The following SYNE1 variants were observed in gnomAD, a reference collection of about 807,000 sequenced individuals.
SYNE1 encodes the protein nesprin-1.
A neutral mutation model predicts 1,111.0 loss-of-function variants in SYNE1; 616 were observed. The observed-to-expected ratio is 0.55, with a 90% CI of 0.52 to 0.59. SYNE1 has a LOEUF of 0.59. SYNE1 is among the 20% of genes least tolerant of loss of function. SYNE1 has a pLI of 0.00. For missense variants in SYNE1, 10,006 were observed against 10,417.0 expected, an observed-to-expected ratio of 0.96 and a Z score of 1.72; for synonymous variants, 3,855 against 3,825.8, an observed-to-expected ratio of 1.01 and a Z score of -0.28.
At chr6:152,204,220 C>T (rs1462704118) in intron 126 of SYNE1, among the ~76,000 whole-genome samples, 3 of 151,806 alleles carry the variant, frequency 2.0e-5, no homozygotes, top group Admixed American at 6.6e-5. Context: ...CAAAAATTAG[C>T]CAGGCGTGGT....
chr6:152,630,836 G>A (rs542760157), intron 2 of SYNE1, among the ~76,000 whole-genome samples: 34 of 152,282 alleles, frequency 2.2e-4, no homozygotes, highest in Non-Finnish European at 4.1e-4. Flanking sequence ...AAATCACTCT[G>A]CCTCTATCCT....
chr6:152,319,269 A>G (rs1238004411), intron 84 of SYNE1, among the ~76,000 whole-genome samples: 2 of 152,184 alleles, frequency 1.3e-5, no homozygotes, highest in Non-Finnish European at 2.9e-5. Context: ...CTTATTAAAT[A>G]TTTACAGAAT....
chr6:152,570,727 TC>T (rs535326013), intron 3 of SYNE1, among the ~76,000 whole-genome samples: 32 of 152,272 alleles, frequency 2.1e-4, no homozygotes, highest in Admixed American at 3.9e-4. Flanking sequence ...AACAATGGTA[TC>T]CCCTTCCTTC....
chr6:152,362,592 C>G lies in SYNE1; in HGVS notation c.10146-269G>C, dbSNP rs149561014. ...TCAAGAGTCAGCGGCTGGGGGGACA[C>G]GAGACACTGGGGGAGCCTCAAAGGC... On this transcript the variant is annotated intron_variant, in intron 63 of 145. Coordinates refer to ENST00000367255, the MANE Select transcript of SYNE1 (RefSeq NM_182961.4). 1.3e-3 allele frequency among the ~76,000 whole-genome samples: 194 copies of G among 152,182 alleles called. 1 individual carries two copies. The highest frequency in any genetic ancestry group is 4.4e-3 in the African/African-American group (182 of 41,534).
In SYNE1 at chr6:152,455,494, C is replaced by T. The variant is rs2098689562; in HGVS notation, c.2824G>A (p.Val942Ile). The change falls in exon 24 of 146, where the codon GTA becomes ATA. Residue 942 changes from valine to isoleucine, a missense_variant. Coordinates refer to ENST00000367255, the MANE Select transcript of SYNE1 (RefSeq NM_182961.4). ...AGGCCCTCCTGAGCAATCCGCAGTACCTTCTCCAACTCTGCTCGAGACTCC... is the reference window on the plus strand; with the variant it reads ...AGGCCCTCCTGAGCAATCCGCAGTATCTTCTCCAACTCTGCTCGAGACTCC... ...FEESRAELEKVLRIAQEGLEE... is the reference protein window; with the variant it reads ...FEESRAELEKILRIAQEGLEE... 2 of 1,614,174 alleles carry T rather than the reference C, an allele frequency of 1.2e-6. No individual in the cohort carries two copies. Among genetic ancestry groups the T allele is most frequent in the Non-Finnish European group, 1.7e-6 (2 of 1,180,032 alleles).
At chr6:152,201,793 T>C in intron 127 of SYNE1, 31 bp downstream of exon 127, 3 of 1,613,800 alleles carry the variant, frequency 1.9e-6, no homozygotes, top group Non-Finnish European at 2.5e-6. Flanking sequence ...GGCACACAGG[T>C]GACGGTGAAA....
At chr6:152,171,650 A>G (rs2065237804) in intron 130 of SYNE1, among the ~76,000 whole-genome samples, 2 of 152,158 alleles carry the variant, frequency 1.3e-5, no homozygotes, top group Non-Finnish European at 2.9e-5. Flanking sequence ...AGGAAGAGAG[A>G]ATAGAAAGGA....
At position 152,387,398 on chromosome 6, in the gene SYNE1, A is replaced by G. The variant is rs2097540281; in HGVS notation, c.8178-17T>C. On this transcript the variant is annotated splice_polypyrimidine_tract_variant and intron_variant, in intron 53 of 145. Coordinates refer to ENST00000367255, the MANE Select transcript of SYNE1 (RefSeq NM_182961.4). ...TCTAAAGTGCTAGAATTAATGTCACATATTAACAAAAATGAATTATTTTGA... is the reference window on the plus strand; with the variant it reads ...TCTAAAGTGCTAGAATTAATGTCACGTATTAACAAAAATGAATTATTTTGA... 1.2e-6 allele frequency: 2 copies of G among 1,612,312 alleles called. No homozygotes were observed. Among genetic ancestry groups the G allele is most frequent in the Non-Finnish European group, 1.7e-6 (2 of 1,178,780 alleles).
In SYNE1 at chr6:152,460,845, C is replaced by T. The variant is rs116025024; in HGVS notation, c.2394+752G>A. ...TTTTTTTTTGAGACAAAGAGTCTCG[C>T]CCTGTCACCTAGGCTGGAGTGAAAT... On this transcript the variant is annotated intron_variant, in intron 21 of 145. Transcript: ENST00000367255. Among the ~76,000 whole-genome samples, 1,067 of 137,590 alleles carry T rather than the reference C, an allele frequency of 7.8e-3. 19 individuals are homozygous for T. Among genetic ancestry groups the T allele is most frequent in the African/African-American group, 0.028 (1,016 of 35,698 alleles). The allele number at this position is 137,590 out of a possible 152,430, so 90.3% of individuals were successfully genotyped here.
chr6:152,589,887 T>G (rs1482730311), intron 3 of SYNE1, among the ~76,000 whole-genome samples: 2 of 152,024 alleles, frequency 1.3e-5, no homozygotes, highest in East Asian at 3.9e-4. Context: ...AAAGCATACT[T>G]CACTCAGCAG....
At chr6:152,456,784 T>C (rs1467091954) in intron 22 of SYNE1, 4 of 443,328 alleles carry the variant, frequency 9.0e-6, no homozygotes, top group Non-Finnish European at 1.8e-5. Context: ...TTACACCATT[T>C]GCATTTCAGT....
Position 152,325,073 on chromosome 6 carries a change from G to A in SYNE1, c.15657+11C>T. On this transcript the variant is annotated intron_variant, in intron 81 of 145. Coordinates refer to ENST00000367255, the MANE Select transcript of SYNE1 (RefSeq NM_182961.4). ...GGAAAGAAAGGTGAGCCCATGGACAGTGGAAACTACCTTGTTGTTAAAGCC... is the reference window on the plus strand; with the variant it reads ...GGAAAGAAAGGTGAGCCCATGGACAATGGAAACTACCTTGTTGTTAAAGCC... 1 of 1,613,484 alleles carries A rather than the reference G, an allele frequency of 6.2e-7. No homozygotes were observed. Among genetic ancestry groups the A allele is most frequent in the African/African-American group, 1.3e-5 (1 of 75,034 alleles).
In SYNE1 at chr6:152,145,619, G is replaced by A. The variant is rs563760554; in HGVS notation, c.24977-1854C>T. Reference sequence around the variant, plus strand: ...TGGAAACCCTGAATCCCTTGTGCAGGAAAATAACTTTCCTAGGGGAAAAAA... The same window carrying A: ...TGGAAACCCTGAATCCCTTGTGCAGAAAAATAACTTTCCTAGGGGAAAAAA... On this transcript the variant is annotated intron_variant, in intron 137 of 145. Transcript: ENST00000367255. 25 of 1,444,464 alleles carry A rather than the reference G, an allele frequency of 1.7e-5. No homozygotes were observed. In the South Asian group the frequency reaches 2.7e-4, roughly 16 times the overall value. 89.5% of individuals were successfully genotyped at this position (1,444,464 alleles called of 1,614,324 possible). A position where few individuals can be genotyped will look rare whatever the true frequency, so the allele number is the denominator to read the frequency against.
intron 33 of SYNE1, chr6:152,435,666 A>G (rs1338286904): frequency 4.0e-6 from 2 of 503,538 alleles, no homozygotes; most frequent in Admixed American, 7.3e-5. Context: ...TCTACAATGT[A>G]CAAAGGCCAC....
At chr6:152,572,925 C>T (rs1182704570) in intron 3 of SYNE1, among the ~76,000 whole-genome samples, 2 of 152,094 alleles carry the variant, frequency 1.3e-5, no homozygotes, top group African/African-American at 2.4e-5. Context: ...AGGGAGTTGC[C>T]TTTGGTCTAA....
At position 152,143,654 on chromosome 6, in the gene SYNE1, C is replaced by T. The variant is rs2058924200; in HGVS notation, c.25088G>A (p.Gly8363Glu). The T allele has an allele frequency of 6.2e-6, 10 of 1,614,022 alleles. No individual in the cohort carries two copies. Among genetic ancestry groups the T allele is most frequent in the Non-Finnish European group, 8.5e-6 (10 of 1,180,028 alleles). The change falls in exon 138 of 146, where the codon GGG becomes GAG. Residue 8363 changes from glycine to glutamate, a missense_variant. By Grantham distance (98) the Gly-to-Glu change is moderately conservative. This residue lies in a region of SYNE1 where 761 missense variants were observed against 795.5 expected (regional missense o/e 0.96). Transcript: ENST00000367255. ...TTTGTAGCTGGTGTCTAGCTCCGGC[C>T]CCGTGGGAGTTTTGCTGCGAATGAT... Reference protein sequence around the residue: ...ENIIRSKTPTGPELDTSYKGY... With the variant: ...ENIIRSKTPTEPELDTSYKGY...
At chr6:152,445,563 CT>C (rs2098577740) in intron 29 of SYNE1, among the ~76,000 whole-genome samples, 1 of 152,012 alleles carries the variant, frequency 6.6e-6, no homozygotes, top group Non-Finnish European at 1.5e-5. Flanking sequence ...CTTTGACTCT[CT>C]TCTGATCTAA....
chr6:152,452,218 T>G (rs1344838757), intron 25 of SYNE1, among the ~76,000 whole-genome samples: 2 of 152,138 alleles, frequency 1.3e-5, no homozygotes, highest in Non-Finnish European at 2.9e-5. Flanking sequence ...TTTTAAAGGA[T>G]TACCTTTGAA....
intron 44 of SYNE1, 40 bp from the exon 45 acceptor site, chr6:152,407,236 G>A (rs1415734769): frequency 1.2e-6 from 2 of 1,600,018 alleles, no homozygotes; most frequent in South Asian, 1.1e-5. Context: ...ATAGTCAGAG[G>A]CGTAAGATGA....
Sources: allele counts gnomAD v4.1 joint callset (sites outside exome capture counted in the v4.1 genomes callset), GRCh38; gene constraint gnomAD v4.1.1; regional missense constraint gnomAD v4.1.1; transcripts MANE v1.5; gene names NCBI Gene and HGNC (gene_info 2026-07-23, HGNC 2026-07-21).